The following SPTLC3 variants were observed in gnomAD, a reference collection of about 807,000 sequenced individuals.
SPTLC3 encodes serine palmitoyltransferase long chain base subunit 3.
SPTLC3 carries 36 observed loss-of-function variants against 59.3 expected under a neutral mutation model. That is an observed-to-expected ratio of 0.61 (90% CI 0.47 to 0.80). The LOEUF (loss-of-function observed/expected upper bound fraction) is 0.80, where lower values mean the gene tolerates loss of function less well. SPTLC3 is among the 30% of genes least tolerant of loss of function. The pLI, the probability that SPTLC3 is intolerant of heterozygous loss-of-function variation, is 0.00. For missense variants in SPTLC3, 625 were observed against 685.1 expected (o/e 0.91, Z 0.98); for synonymous variants, 257 against 240.8 (o/e 1.07, Z -0.62).
chr20:13,100,071 G>A (rs547690760), intron 6 of SPTLC3, among the ~76,000 whole-genome samples: 10 of 152,248 alleles, frequency 6.6e-5, no homozygotes, highest in South Asian at 6.2e-4. Flanking sequence ...AGAGGAGGAG[G>A]TTCTATTTTT....
intron 9 of SPTLC3, among the ~76,000 whole-genome samples, chr20:13,140,447 G>A (rs1310334617): frequency 7.9e-5 from 12 of 152,142 alleles, no homozygotes; most frequent in South Asian, 2.1e-4. Context: ...AACCAGGCAC[G>A]AGACTGAATT....
intron 1 of SPTLC3, among the ~76,000 whole-genome samples, chr20:13,011,254 G>T (rs2081633351): frequency 6.6e-6 from 1 of 152,104 alleles, no homozygotes; most frequent in African/African-American, 2.4e-5. Context: ...CACCAGTTTT[G>T]ATCCTTGGGA....
intron 8 of SPTLC3, among the ~76,000 whole-genome samples, chr20:13,124,057 G>T (rs1404761408): frequency 3.3e-5 from 5 of 152,208 alleles, no homozygotes; most frequent in Non-Finnish European, 5.9e-5. Context: ...CGGATACCCT[G>T]TGGCTGATGA....
intron 4 of SPTLC3, among the ~76,000 whole-genome samples, chr20:13,082,037 T>C (rs946386111): frequency 9.9e-5 from 15 of 152,202 alleles, no homozygotes; most frequent in Admixed American, 7.2e-4. Flanking sequence ...CTAGCAGGCA[T>C]ATTTCTGCAA....
At position 13,091,220 on chromosome 20, in the gene SPTLC3, A is replaced by T; in HGVS notation, c.732+13A>T. ...ATTAGTTGGAAAGGTGAGAATTGTT[A>T]ACCTAATTGTCTTCTACTGTATTAC... On this transcript the variant is annotated intron_variant, in intron 5 of 11. Coordinates refer to ENST00000399002, the MANE Select transcript of SPTLC3 (RefSeq NM_018327.4). The T allele has an allele frequency of 6.2e-7, 1 of 1,612,802 alleles. No individual in the cohort carries two copies. The highest frequency in any genetic ancestry group is 8.5e-7 in the Non-Finnish European group (1 of 1,179,112).
chr20:13,159,002 A>G (rs2038835972), intron 10 of SPTLC3, among the ~76,000 whole-genome samples: 1 of 152,250 alleles, frequency 6.6e-6, no homozygotes, highest in African/African-American at 2.4e-5. Context: ...CTTATGGGTA[A>G]AGTCACTCAG....
intron 6 of SPTLC3, among the ~76,000 whole-genome samples, chr20:13,105,393 TC>T (rs1989831867): frequency 6.6e-6 from 1 of 152,150 alleles, no homozygotes; most frequent in Admixed American, 6.6e-5. Flanking sequence ...CACAACGAAG[TC>T]CCTGACTTGG....
At chr20:13,024,342 T>C (rs1339166777) in intron 1 of SPTLC3, among the ~76,000 whole-genome samples, 2 of 152,008 alleles carry the variant, frequency 1.3e-5, no homozygotes, top group Non-Finnish European at 2.9e-5. Context: ...TAAATATTCA[T>C]ATATCTACTA....
At chr20:13,010,782 G>A (rs1376809986) in intron 1 of SPTLC3, among the ~76,000 whole-genome samples, 1 of 152,148 alleles carries the variant, frequency 6.6e-6, no homozygotes, top group Non-Finnish European at 1.5e-5. Flanking sequence ...GACCCTGAGG[G>A]ATCTCATCTG....
Position 13,008,993 on chromosome 20 carries a change from T to C in SPTLC3, c.-275T>C, listed in dbSNP as rs1025853798. 1 of 306,122 alleles carries C rather than the reference T, an allele frequency of 3.3e-6. No individual in the cohort carries two copies. Among genetic ancestry groups the C allele is most frequent in the Non-Finnish European group, 6.1e-6 (1 of 162,922 alleles). The allele number at this position is 306,122 out of a possible 1,614,324, so 19.0% of individuals were successfully genotyped here. ...CCTCAGTCCCCAGAAGGAGCCAGCA[T>C]GGACAATCTCCTTTACAGTTTCGGA... On this transcript the variant is annotated 5_prime_UTR_variant, in exon 1 of 12. An upstream start codon of the reference 5' UTR is lost. Transcript: ENST00000399002.
chr20:13,055,048 A>G (rs1987662811), intron 2 of SPTLC3, among the ~76,000 whole-genome samples: 4 of 152,104 alleles, frequency 2.6e-5, no homozygotes, highest in Admixed American at 2.0e-4. Context: ...GAAATTAATT[A>G]TAGAGAATAT....
intron 1 of SPTLC3, among the ~76,000 whole-genome samples, chr20:13,025,907 A>G (rs927506315): frequency 1.3e-4 from 20 of 151,976 alleles, no homozygotes; most frequent in African/African-American, 4.8e-4. Context: ...ATTAGGTCCC[A>G]GTGTGTGTTG....
intron 1 of SPTLC3, among the ~76,000 whole-genome samples, chr20:13,039,204 T>C (rs1986867589): frequency 8.5e-5 from 13 of 152,070 alleles, no homozygotes; most frequent in Admixed American, 8.5e-4. Context: ...ATTTTATTCA[T>C]TATTGAAAGC....
chr20:13,138,991 G>A (rs2038317886), intron 9 of SPTLC3, among the ~76,000 whole-genome samples: 1 of 152,160 alleles, frequency 6.6e-6, no homozygotes, highest in African/African-American at 2.4e-5. Flanking sequence ...ACAGTAATCA[G>A]CAGGCACTGG....
chr20:13,014,805 A>G (rs943332741), intron 1 of SPTLC3, among the ~76,000 whole-genome samples: 1 of 151,022 alleles, frequency 6.6e-6, no homozygotes, highest in African/African-American at 2.4e-5. Flanking sequence ...AAAAAAAAAA[A>G]GATAAATGTC....
chr20:13,156,848 G>A (rs2038779887), intron 10 of SPTLC3, among the ~76,000 whole-genome samples: 2 of 152,088 alleles, frequency 1.3e-5, no homozygotes, highest in African/African-American at 2.4e-5. Context: ...ACGGTTGCAT[G>A]GCTCTCCAAA....
intron 9 of SPTLC3, among the ~76,000 whole-genome samples, chr20:13,128,873 T>TC: frequency 3.7e-5 from 1 of 26,774 alleles, no homozygotes; most frequent in African/African-American, 2.0e-4. Context: ...CCCAGCTAAT[T>TC]TTTTTTTTTT....
chr20:13,128,695 T>G (rs1332353343), intron 9 of SPTLC3, among the ~76,000 whole-genome samples: 5 of 151,844 alleles, frequency 3.3e-5, no homozygotes, highest in Non-Finnish European at 7.4e-5. Flanking sequence ...GTTTTTTGGG[T>G]TTTTTTAAAA....
At chr20:13,087,103 C>T (rs934671349) in intron 4 of SPTLC3, among the ~76,000 whole-genome samples, 2 of 152,124 alleles carry the variant, frequency 1.3e-5, no homozygotes, top group African/African-American at 4.8e-5. Flanking sequence ...GCCTCCTCCC[C>T]GTCTTTAAGC....
Sources: gnomAD v4.1 joint callset for allele counts (sites outside exome capture counted in the v4.1 genomes callset) on GRCh38, gnomAD v4.1.1 for gene constraint, MANE v1.5 for transcripts, NCBI Gene and HGNC (gene_info 2026-07-23, HGNC 2026-07-21) for gene names.